Variants in NUP188 observed in about 807,000 individuals in gnomAD.
NUP188 encodes the protein nucleoporin 188.
Under a neutral mutation model 223.0 loss-of-function variants are expected in NUP188, and 97 were observed. The observed-to-expected ratio is 0.43, with a 90% CI of 0.37 to 0.51. NUP188 has a LOEUF of 0.51. Ranked by LOEUF, NUP188 falls within the 20% of genes least tolerant of loss-of-function variation. The pLI, the probability that NUP188 is intolerant of heterozygous loss-of-function variation, is 0.00. For missense variants in NUP188, 1,947 were observed against 2,175.6 expected, an observed-to-expected ratio of 0.89 and a Z score of 2.09; for synonymous variants, 869 against 828.0, an observed-to-expected ratio of 1.05 and a Z score of -0.85.
At chr9:128,948,431 C>T (rs1164237249) in intron 1 of NUP188, 3 of 152,212 alleles carry the variant, frequency 2.0e-5, no homozygotes, top group African/African-American at 7.2e-5. Context: ...GCGTCAGACC[C>T]TGGTGGAGCG....
chr9:128,952,267 C>T (rs1234422753), intron 2 of NUP188, among the ~76,000 whole-genome samples: 2 of 151,964 alleles, frequency 1.3e-5, no homozygotes, highest in Admixed American at 6.6e-5. Flanking sequence ...GGCATGGTGG[C>T]GTGCGCCTGT....
chr9:128,979,418 T>C, intron 13 of NUP188, 91 bp downstream of exon 13: 1 of 886,952 alleles, frequency 1.1e-6, no homozygotes. Flanking sequence ...TCATGTGCAT[T>C]TTCTCATTTA....
At chr9:128,979,656 G>A (rs911019298) in intron 13 of NUP188, among the ~76,000 whole-genome samples, 2 of 151,642 alleles carry the variant, frequency 1.3e-5, no homozygotes, top group Non-Finnish European at 2.9e-5. Flanking sequence ...TTTTTGAGAT[G>A]GAGTCTTGCT....
intron 12 of NUP188, among the ~76,000 whole-genome samples, chr9:128,978,104 G>A (rs1842203932): frequency 6.6e-6 from 1 of 151,964 alleles, no homozygotes; most frequent in South Asian, 2.1e-4. Flanking sequence ...GGGCATGGTG[G>A]TACACTTCTG....
At chr9:128,998,425 T>C in intron 31 of NUP188, 113 bp from the exon 32 acceptor site, 2 of 1,071,396 alleles carry the variant, frequency 1.9e-6, no homozygotes, top group East Asian at 2.4e-5. Flanking sequence ...CCCCCTCCAC[T>C]CCACTCCTGT....
At chr9:128,971,979 C>T (rs887835693) in intron 11 of NUP188, among the ~76,000 whole-genome samples, 1 of 151,800 alleles carries the variant, frequency 6.6e-6, no homozygotes, top group Non-Finnish European at 1.5e-5. Flanking sequence ...ACCATGTTGG[C>T]AAGGCTGGTC....
chr9:128,989,839 A>T (rs1050259627), intron 24 of NUP188, among the ~76,000 whole-genome samples: 39 of 152,220 alleles, frequency 2.6e-4, no homozygotes, highest in African/African-American at 8.9e-4. Flanking sequence ...CTCAAAAAAA[A>T]TTAATAAATA....
chr9:128,968,439 T>C, intron 8 of NUP188, 67 bp from the exon 9 acceptor site: 1 of 1,255,650 alleles, frequency 8.0e-7, no homozygotes, highest in South Asian at 1.3e-5. Flanking sequence ...CTTTAAAAAA[T>C]GTTCTTTAAG....
At chr9:128,965,221 A>G (rs1842011688) in intron 8 of NUP188, among the ~76,000 whole-genome samples, 1 of 152,112 alleles carries the variant, frequency 6.6e-6, no homozygotes, top group South Asian at 2.1e-4. Flanking sequence ...AGTTTTAAAT[A>G]CTGAATTGTT....
In NUP188 at chr9:128,993,114, G is replaced by A. The variant is rs1023773637; in HGVS notation, c.2641-83G>A. 2.6e-6 allele frequency: 3 copies of A among 1,151,376 alleles called. No homozygotes were observed. In the South Asian group the frequency reaches 3.7e-5, roughly 14 times the overall value. 71.3% of individuals were successfully genotyped at this position (1,151,376 alleles called of 1,614,324 possible). ...TTCCCTTTCTGCCAATTTTCTGGGA[G>A]CTCTTCAGTGCCCTTCTGTGGGAGC... is the stretch of plus-strand genomic sequence containing the variant. On this transcript the variant is annotated intron_variant, in intron 25 of 43. Coordinates refer to ENST00000372577, the MANE Select transcript of NUP188 (RefSeq NM_015354.3).
intron 8 of NUP188, among the ~76,000 whole-genome samples, chr9:128,959,649 C>G (rs558396792): frequency 6.6e-6 from 1 of 151,660 alleles, no homozygotes; most frequent in African/African-American, 2.4e-5. Flanking sequence ...TCTACTGCCC[C>G]AGCCTCCCAA....
chr9:128,959,586 G>A (rs1479496442), intron 8 of NUP188, among the ~76,000 whole-genome samples: 1 of 141,398 alleles, frequency 7.1e-6, no homozygotes, highest in African/African-American at 2.7e-5. Flanking sequence ...AAGCTGGAGT[G>A]CAATGGCACA....
chr9:128,955,135 G>T (rs910200672), intron 3 of NUP188, among the ~76,000 whole-genome samples: 1 of 152,156 alleles, frequency 6.6e-6, no homozygotes, highest in Non-Finnish European at 1.5e-5. Flanking sequence ...ACAGGCGTGA[G>T]CCACCACGCC....
intron 11 of NUP188, 131 bp downstream of exon 11, chr9:128,971,089 C>T (rs766177582): frequency 1.3e-5 from 9 of 702,266 alleles, no homozygotes; most frequent in Non-Finnish European, 2.3e-5. Flanking sequence ...ATTTAGACAT[C>T]ATCAGGCATT....
At chr9:128,995,260 C>T (rs1348880274) in intron 29 of NUP188, 59 bp from the exon 30 acceptor site, 4 of 1,382,914 alleles carry the variant, frequency 2.9e-6, no homozygotes, top group East Asian at 4.6e-5. Context: ...AGGGTCTGTA[C>T]CCATTATATT....
chr9:128,996,043 C>CAT (rs1374431809), intron 30 of NUP188, among the ~76,000 whole-genome samples: 1 of 152,178 alleles, frequency 6.6e-6, no homozygotes, highest in Non-Finnish European at 1.5e-5. Context: ...AGAGAGATAA[C>CAT]ATCTGGAAGA....
Position 128,981,860 on chromosome 9 carries a change from G to A in NUP188, c.1516+470G>A, listed in dbSNP as rs573747601. Among the ~76,000 whole-genome samples the A allele has an allele frequency of 5.0e-3, 754 of 152,220 alleles. 2 individuals are homozygous for A. The highest frequency in any genetic ancestry group is 8.7e-3 in the Non-Finnish European group (589 of 68,006). ...TTACAGGCCAAGGTGGGCGGATCACGTGAGGTCGGGAGTTCGAGACCAGCC... is the reference window on the plus strand; with the variant it reads ...TTACAGGCCAAGGTGGGCGGATCACATGAGGTCGGGAGTTCGAGACCAGCC... On this transcript the variant is annotated intron_variant, in intron 15 of 43. Coordinates refer to ENST00000372577, the MANE Select transcript of NUP188 (RefSeq NM_015354.3).
In NUP188 at chr9:129,006,772, G is replaced by T; in HGVS notation, c.*94G>T. 1 of 1,334,874 alleles carries T rather than the reference G, an allele frequency of 7.5e-7. No homozygotes were observed. Among genetic ancestry groups the T allele is most frequent in the South Asian group, 1.5e-5 (1 of 67,776 alleles). 82.7% of individuals were successfully genotyped at this position (1,334,874 alleles called of 1,614,324 possible). ...GCTGGCTGCTAGGGCCTATACAATGGAGGGCACCTCCTGTCACCCCCCTCC... is the reference window on the plus strand; with the variant it reads ...GCTGGCTGCTAGGGCCTATACAATGTAGGGCACCTCCTGTCACCCCCCTCC... On this transcript the variant is annotated 3_prime_UTR_variant, in exon 44 of 44. Coordinates refer to ENST00000372577, the MANE Select transcript of NUP188 (RefSeq NM_015354.3).
intron 25 of NUP188, among the ~76,000 whole-genome samples, chr9:128,992,746 T>C (rs953683904): frequency 6.6e-6 from 1 of 152,238 alleles, no homozygotes; most frequent in Non-Finnish European, 1.5e-5. Context: ...TTATTATCCC[T>C]ACCACCCTGT....
Sources: allele counts gnomAD v4.1 joint callset (sites outside exome capture counted in the v4.1 genomes callset), GRCh38; gene constraint gnomAD v4.1.1; transcripts MANE v1.5; gene names NCBI Gene and HGNC (gene_info 2026-07-23, HGNC 2026-07-21).